The following RAI14 variants were observed in gnomAD, a reference collection of about 807,000 sequenced individuals.
RAI14 encodes the protein ankycorbin.
In RAI14, 45 loss-of-function variants were observed where a neutral mutation model predicts 115.4. The ratio of observed to expected loss-of-function variants is 0.39; its 90% CI spans 0.31 to 0.50. The LOEUF (loss-of-function observed/expected upper bound fraction) is 0.50, where lower values mean the gene tolerates loss of function less well. Ranked by LOEUF, RAI14 falls within the 20% of genes least tolerant of loss-of-function variation. RAI14 has a pLI of 0.85. For synonymous variants in RAI14, 371 were observed against 415.4 expected (o/e 0.89, Z 1.30); for missense variants, 939 against 1,131.2 (o/e 0.83, Z 2.44).
intron 2 of RAI14, among the ~76,000 whole-genome samples, chr5:34,700,415 A>G (rs1739920834): frequency 6.6e-6 from 1 of 152,206 alleles, no homozygotes; most frequent in Non-Finnish European, 1.5e-5. Context: ...CATGGTGAAC[A>G]AGTGGCTTTA....
At chr5:34,809,990 G>C (rs10472940) in intron 7 of RAI14, among the ~76,000 whole-genome samples, 1 of 151,914 alleles carries the variant, frequency 6.6e-6, no homozygotes, top group Admixed American at 6.6e-5. Flanking sequence ...TGATGGAGAT[G>C]CTGTGAAGTG....
At chr5:34,671,828 C>T (rs1189748501) in intron 1 of RAI14, among the ~76,000 whole-genome samples, 2 of 152,084 alleles carry the variant, frequency 1.3e-5, no homozygotes, top group Non-Finnish European at 2.9e-5. Context: ...TTCAAATGCA[C>T]AGATGCCACA....
At chr5:34,789,676 C>T (rs1439987592) in intron 3 of RAI14, among the ~76,000 whole-genome samples, 2 of 152,086 alleles carry the variant, frequency 1.3e-5, no homozygotes, top group Non-Finnish European at 2.9e-5. Context: ...GAAACAATCC[C>T]TTTTATCAAG....
At chr5:34,813,467 A>G (rs2150266064) in intron 10 of RAI14, 107 bp from the exon 11 acceptor site, 1 of 630,940 alleles carries the variant, frequency 1.6e-6, no homozygotes, top group Non-Finnish European at 2.7e-6. Context: ...AAAGTAAGAA[A>G]TGTATGAACT....
At chr5:34,701,092 C>G (rs1740001607) in intron 2 of RAI14, among the ~76,000 whole-genome samples, 1 of 152,144 alleles carries the variant, frequency 6.6e-6, no homozygotes, top group Non-Finnish European at 1.5e-5. Flanking sequence ...GAGGACGAAA[C>G]TCTGATTTTT....
rs372882692 is a variant in RAI14 at position 34,665,033 on chromosome 5, G to GTGTA, written c.-49+8559_-49+8560insGTAT. The stretch of plus-strand genomic sequence containing the variant: ...TATATATATATGTGTATATATATAT[G>GTGTA]TATATATATGTGTATATATATGTGT... On this transcript the variant is annotated intron_variant, in intron 1 of 17. Transcript: ENST00000265109. Among the ~76,000 whole-genome samples the GTGTA allele has an allele frequency of 7.8e-3, 153 of 19,640 alleles. 45 individuals carry two copies. Among genetic ancestry groups the GTGTA allele is most frequent in the Non-Finnish European group, 0.011 (102 of 9,290 alleles). 12.9% of individuals were successfully genotyped at this position (19,640 alleles called of 152,430 possible).
At chr5:34,701,903 C>T (rs1011497971) in intron 2 of RAI14, among the ~76,000 whole-genome samples, 1 of 151,976 alleles carries the variant, frequency 6.6e-6, no homozygotes, top group African/African-American at 2.4e-5. Flanking sequence ...TCTCCACCTG[C>T]CGAGTTCAAC....
chr5:34,758,363 C>G (rs1748176329), intron 3 of RAI14, among the ~76,000 whole-genome samples: 1 of 152,112 alleles, frequency 6.6e-6, no homozygotes, highest in Admixed American at 6.5e-5. Flanking sequence ...TATATCTTTT[C>G]TTTTTTCTAA....
At chr5:34,762,899 C>T (rs1173756214) in intron 3 of RAI14, among the ~76,000 whole-genome samples, 2 of 149,524 alleles carry the variant, frequency 1.3e-5, no homozygotes, top group African/African-American at 2.5e-5. Context: ...ACCACCTGGG[C>T]ATGTGTGTGT....
intron 2 of RAI14, among the ~76,000 whole-genome samples, chr5:34,741,348 A>G (rs1264063316): frequency 1.3e-5 from 2 of 152,212 alleles, no homozygotes; most frequent in Non-Finnish European, 2.9e-5. Context: ...TAGAGCCAAG[A>G]TTTGAACTCA....
At chr5:34,689,742 C>T (rs1284571256) in intron 2 of RAI14, among the ~76,000 whole-genome samples, 2 of 152,058 alleles carry the variant, frequency 1.3e-5, no homozygotes, top group Non-Finnish European at 2.9e-5. Context: ...TGTGGTGGTG[C>T]ATGCCTGTAA....
intron 1 of RAI14, among the ~76,000 whole-genome samples, chr5:34,686,029 T>C (rs1744830182): frequency 6.6e-6 from 1 of 152,142 alleles, no homozygotes; most frequent in Non-Finnish European, 1.5e-5. Context: ...CTAACTGCCC[T>C]GTGCATTCTG....
At chr5:34,709,604 T>C (rs1579983285) in intron 2 of RAI14, among the ~76,000 whole-genome samples, 1 of 152,248 alleles carries the variant, frequency 6.6e-6, no homozygotes, top group East Asian at 1.9e-4. Context: ...TTCATTCATA[T>C]AATCTCAGAC....
chr5:34,790,902 C>T (rs568963611), intron 3 of RAI14, among the ~76,000 whole-genome samples: 1 of 151,850 alleles, frequency 6.6e-6, no homozygotes, highest in Non-Finnish European at 1.5e-5. Context: ...CATTGTAGAC[C>T]ACAATTCTAG....
rs919265701 is a variant in RAI14, at chr5:34,827,108, C to G, written c.2799+629C>G. Among the ~76,000 whole-genome samples, 2 of 152,174 alleles carry G rather than the reference C, an allele frequency of 1.3e-5. No individual in the cohort carries two copies. Among genetic ancestry groups the G allele is most frequent in the African/African-American group, 4.8e-5 (2 of 41,438 alleles). ...GAGAAAATCAATTTCCTTGCCTTTTCCAGTACCAGAGGCTGCCTGCATTCT... is the reference window on the plus strand; with the variant it reads ...GAGAAAATCAATTTCCTTGCCTTTTGCAGTACCAGAGGCTGCCTGCATTCT... On this transcript the variant is annotated intron_variant, in intron 16 of 17. Coordinates refer to ENST00000265109, the MANE Select transcript of RAI14 (RefSeq NM_015577.3). The surrounding 1 kb of genome is among the most constrained non-coding windows in gnomAD (Gnocchi z 4.2).
chr5:34,723,245 GTTTA>G (rs1279794456), intron 2 of RAI14, among the ~76,000 whole-genome samples: 2 of 151,946 alleles, frequency 1.3e-5, no homozygotes, highest in South Asian at 2.1e-4. Context: ...TATATAGGAT[GTTTA>G]TTTATCTATA....
chr5:34,719,605 T>G (rs1324596574), intron 2 of RAI14, among the ~76,000 whole-genome samples: 6 of 152,182 alleles, frequency 3.9e-5, no homozygotes, highest in African/African-American at 1.4e-4. Context: ...GTTACCGTGG[T>G]TGCACGCTGG....
intron 2 of RAI14, among the ~76,000 whole-genome samples, chr5:34,722,903 C>G (rs906957087): frequency 6.6e-6 from 1 of 151,850 alleles, no homozygotes; most frequent in South Asian, 2.1e-4. Flanking sequence ...AACCCCGTTT[C>G]TACTAAAAAT....
chr5:34,678,996 C>CA (rs1370169888), intron 1 of RAI14, among the ~76,000 whole-genome samples: 1 of 152,226 alleles, frequency 6.6e-6, no homozygotes, highest in African/African-American at 2.4e-5. Flanking sequence ...CTGATAACAA[C>CA]ACAACAGCAA....
Sources: gnomAD v4.1 joint callset for allele counts (sites outside exome capture counted in the v4.1 genomes callset) on GRCh38, gnomAD v4.1.1 for gene constraint, Gnocchi (gnomAD v3.1) non-coding constraint, MANE v1.5 for transcripts, NCBI Gene and HGNC (gene_info 2026-07-23, HGNC 2026-07-21) for gene names.